The following HIBCH variants were observed in gnomAD, a reference collection of about 807,000 sequenced individuals.
HIBCH encodes 3-hydroxyisobutyryl-CoA hydrolase, also known as 3-hydroxyisobutyryl-CoA hydrolase, mitochondrial.
HIBCH carries 50 observed loss-of-function variants against 58.2 expected under a neutral mutation model. The observed-to-expected ratio is 0.86, with a 90% CI of 0.68 to 1.09. HIBCH has a LOEUF of 1.09. Ranked by LOEUF, HIBCH falls within the 50% of genes least tolerant of loss-of-function variation. HIBCH has a pLI of 0.00. For missense variants in HIBCH, 450 were observed against 449.7 expected, an observed-to-expected ratio of 1.00 and a Z score of -0.01; for synonymous variants, 151 against 146.9, an observed-to-expected ratio of 1.03 and a Z score of -0.20.
intron 11 of HIBCH, among the ~76,000 whole-genome samples, chr2:190,234,948 C>T (rs79008369): frequency 0.011 from 1,627 of 152,244 alleles, 20 homozygotes; most frequent in Non-Finnish European, 0.016. Context: ...ATCTGGGGCA[C>T]TCTGTAAATG....
At chr2:190,270,141 G>A (rs1183827812) in intron 6 of HIBCH, among the ~76,000 whole-genome samples, 4 of 152,002 alleles carry the variant, frequency 2.6e-5, no homozygotes, top group African/African-American at 7.3e-5. Flanking sequence ...CCTAGATGAC[G>A]GGTTGACAGG....
Position 190,209,001 on chromosome 2 carries a change from C to T in HIBCH, c.1012-88G>A. On this transcript the variant is annotated intron_variant, in intron 12 of 13. Transcript: ENST00000359678. The surrounding 1 kb of genome is among the most constrained non-coding windows in gnomAD (Gnocchi z 5.6). ...TCTCTCCTCTATTCACTTCAGCCTT[C>T]CACTCCCATGGCCACAACCTGAACC... 6.8e-6 allele frequency: 8 copies of T among 1,177,406 alleles called. No homozygotes were observed. Among genetic ancestry groups the T allele is most frequent in the Non-Finnish European group, 9.9e-6 (8 of 804,614 alleles). 72.9% of individuals were successfully genotyped at this position (1,177,406 alleles called of 1,614,324 possible).
At chr2:190,248,597 C>T (rs1159341964) in intron 9 of HIBCH, among the ~76,000 whole-genome samples, 1 of 152,186 alleles carries the variant, frequency 6.6e-6, no homozygotes, top group African/African-American at 2.4e-5. Context: ...GTGCAGTGCT[C>T]ATGGCTATAA....
rs1339765579 is a variant in HIBCH, at chr2:190,204,280, A to G, written c.*837T>C. On this transcript the variant is annotated 3_prime_UTR_variant, in exon 14 of 14. Coordinates refer to ENST00000359678, the MANE Select transcript of HIBCH (RefSeq NM_014362.4). ...TTGTTTGTAAGGATAATTATCACAC[A>G]AAAGTCTTACGTAAATTATAAAAAA... is the stretch of plus-strand genomic sequence containing the variant. 6.6e-6 allele frequency: 1 copy of G among 152,100 alleles called. No individual in the cohort carries two copies. Among genetic ancestry groups the G allele is most frequent in the East Asian group, 1.9e-4 (1 of 5,204 alleles). 9.4% of individuals were successfully genotyped at this position (152,100 alleles called of 1,614,324 possible).
intron 11 of HIBCH, among the ~76,000 whole-genome samples, chr2:190,240,369 G>A (rs1342409058): frequency 6.6e-6 from 1 of 152,010 alleles, no homozygotes; most frequent in Non-Finnish European, 1.5e-5. Context: ...TTTTTATTGT[G>A]TCTATTTGAG....
At chr2:190,317,623 G>A (rs1337506815) in intron 1 of HIBCH, among the ~76,000 whole-genome samples, 2 of 152,150 alleles carry the variant, frequency 1.3e-5, no homozygotes, top group Non-Finnish European at 2.9e-5. Flanking sequence ...TGGCAATCTT[G>A]TACAGAAACA....
chr2:190,262,678 T>G (rs533863702), intron 6 of HIBCH, among the ~76,000 whole-genome samples: 1 of 152,152 alleles, frequency 6.6e-6, no homozygotes, highest in African/African-American at 2.4e-5. Context: ...TCCTGAACTC[T>G]ATGGAAAAAG....
intron 1 of HIBCH, among the ~76,000 whole-genome samples, chr2:190,195,450 A>C (rs945479293): frequency 2.0e-5 from 3 of 152,224 alleles, no homozygotes; most frequent in African/African-American, 7.2e-5. Context: ...ACAGTGAATG[A>C]GAGTTCTGTT....
Position 190,279,920 on chromosome 2 carries a change from C to T in HIBCH, c.438+7666G>A. 1 of 158,870 alleles carries T rather than the reference C, an allele frequency of 6.3e-6. No individual in the cohort carries two copies. Among genetic ancestry groups the T allele is most frequent in the Non-Finnish European group, 1.4e-5 (1 of 73,346 alleles). 9.8% of individuals were successfully genotyped at this position (158,870 alleles called of 1,614,324 possible). A position where few individuals can be genotyped will look rare whatever the true frequency, so the allele number is the denominator to read the frequency against. On this transcript the variant is annotated intron_variant, in intron 6 of 13. Transcript: ENST00000359678. The surrounding 1 kb of genome is among the most constrained non-coding windows in gnomAD (Gnocchi z 4.2). ...CAAATACAGAATGTGAGGTCCCGTT[C>T]CAGCCAATGGAAACCGGACACAGCA...
chr2:190,314,985 T>C (rs1688677937), intron 1 of HIBCH, among the ~76,000 whole-genome samples: 1 of 151,900 alleles, frequency 6.6e-6, no homozygotes, highest in Non-Finnish European at 1.5e-5. Flanking sequence ...TCTCTCTCTG[T>C]CGCCCAGGCT....
chr2:190,319,799 G>T lies in HIBCH; in HGVS notation c.-49C>A, dbSNP rs749107767. 6.3e-7 allele frequency: 1 copy of T among 1,588,874 alleles called. No individual in the cohort carries two copies. Among genetic ancestry groups the T allele is most frequent in the East Asian group, 2.3e-5 (1 of 44,112 alleles). Reference sequence around the variant, plus strand: ...CAGCAGAGCGAGAATCTCCCGGACCGTTCCAGCGCCTCGCGTGAGCCCCGC... The same window carrying T: ...CAGCAGAGCGAGAATCTCCCGGACCTTTCCAGCGCCTCGCGTGAGCCCCGC... On this transcript the variant is annotated 5_prime_UTR_variant, in exon 1 of 14. Coordinates refer to ENST00000359678, the MANE Select transcript of HIBCH (RefSeq NM_014362.4).
chr2:190,278,414 G>T (rs1301771073), intron 6 of HIBCH, among the ~76,000 whole-genome samples: 1 of 152,140 alleles, frequency 6.6e-6, no homozygotes, highest in Non-Finnish European at 1.5e-5. Context: ...ACGTTGGCCA[G>T]GCTGGTCTTG....
rs114258077 is a variant in HIBCH at position 190,233,718 on chromosome 2, C to T, written c.891+11169G>A. The stretch of plus-strand genomic sequence containing the variant: ...CTACAAATTAATCATAAAGATTTAA[C>T]AGGAACTTCATAAGAAAGACTACCC... On this transcript the variant is annotated intron_variant, in intron 11 of 13. Transcript: ENST00000359678. Among the ~76,000 whole-genome samples, 1,014 of 152,258 alleles carry T rather than the reference C, an allele frequency of 6.7e-3. 12 individuals are homozygous for T. The highest frequency in any genetic ancestry group is 0.022 in the African/African-American group (921 of 41,554).
intron 1 of HIBCH, chr2:190,190,102 TA>T (rs1170607887): frequency 6.6e-6 from 1 of 152,240 alleles, no homozygotes; most frequent in Non-Finnish European, 1.5e-5. Flanking sequence ...TGAAATACAG[TA>T]AACAGATGTT....
At chr2:190,244,066 A>G (rs1030368220) in intron 11 of HIBCH, among the ~76,000 whole-genome samples, 2 of 152,178 alleles carry the variant, frequency 1.3e-5, no homozygotes, top group Non-Finnish European at 2.9e-5. Context: ...ATGTTTCCTG[A>G]CAACTGAAAT....
At position 190,288,842 on chromosome 2, in the gene HIBCH, T is replaced by C. The variant is rs905898940; in HGVS notation, c.386-1204A>G. Among the ~76,000 whole-genome samples, 4 of 152,222 alleles carry C rather than the reference T, an allele frequency of 2.6e-5. No homozygotes were observed. In the East Asian group the frequency reaches 7.7e-4, roughly 29 times the overall value. ...TTAAACTTACACCACACCAGGTGCGTGGCTCATGTCTGTAATCCCAGTACT... is the reference window on the plus strand; with the variant it reads ...TTAAACTTACACCACACCAGGTGCGCGGCTCATGTCTGTAATCCCAGTACT... On this transcript the variant is annotated intron_variant, in intron 5 of 13. Coordinates refer to ENST00000359678, the MANE Select transcript of HIBCH (RefSeq NM_014362.4).
chr2:190,304,898 T>A lies in HIBCH; in HGVS notation c.78+5856A>T, dbSNP rs879064058. Among the ~76,000 whole-genome samples the A allele has an allele frequency of 6.6e-6, 1 of 152,150 alleles. No homozygotes were observed. Among genetic ancestry groups the A allele is most frequent in the Non-Finnish European group, 1.5e-5 (1 of 68,018 alleles). On this transcript the variant is annotated intron_variant, in intron 2 of 13. Transcript: ENST00000359678. This position sits in a 1 kb window ranked among gnomAD's most constrained non-coding sequence, Gnocchi z 4.1. ...GAATAATGTATCCCTGTGCTGGAAT[T>A]TATAAGACACAGTATGCTTTAGTAA... is the stretch of plus-strand genomic sequence containing the variant.
chr2:190,197,662 A>G lies in HIBCH; in HGVS notation c.*17+7438T>C, dbSNP rs889192397. On this transcript the variant is annotated intron_variant, in intron 1 of 1. Coordinates refer to the HIBCH transcript ENST00000399855. This position sits in a 1 kb window ranked among gnomAD's most constrained non-coding sequence, Gnocchi z 4.0. ...ACAATGACCATCTGTGGGATTTAAC[A>G]TCTTGTGTTTTTCTTCTCTCAGGGA... 6.6e-6 allele frequency among the ~76,000 whole-genome samples: 1 copy of G among 152,150 alleles called. No homozygotes were observed. Among genetic ancestry groups the G allele is most frequent in the African/African-American group, 2.4e-5 (1 of 41,434 alleles).
Position 190,296,890 on chromosome 2 carries a change from C to T in HIBCH, c.142G>A (p.Val48Ile), listed in dbSNP as rs1452556719. Residue 48 changes from valine to isoleucine, a missense_variant, in exon 3 of 14, where the codon GTC becomes ATC. By Grantham distance (29) the Val-to-Ile change is conservative (BLOSUM62 3). Coordinates refer to ENST00000359678, the MANE Select transcript of HIBCH (RefSeq NM_014362.4). ...VLLEKKGCTG[V>I]ITLNRPKFLN... ...AACTTTGGTCTGTTTAGTGTTATGA[C>T]TCCCGTGCAACCTTTTTTTTCCAAT... is the stretch of plus-strand genomic sequence containing the variant. The T allele has an allele frequency of 3.1e-6, 5 of 1,613,834 alleles. No homozygotes were observed. The highest frequency in any genetic ancestry group is 3.4e-6 in the Non-Finnish European group (4 of 1,179,754).
Sources: gnomAD v4.1 joint callset for allele counts (sites outside exome capture counted in the v4.1 genomes callset) on GRCh38, gnomAD v4.1.1 for gene constraint, Gnocchi (gnomAD v3.1) non-coding constraint, MANE v1.5 for transcripts, NCBI Gene and HGNC (gene_info 2026-07-23, HGNC 2026-07-21) for gene names.